HIPK3: variants seen among roughly 807,000 people sequenced by gnomAD.
HIPK3 encodes homeodomain-interacting protein kinase 3.
HIPK3 carries 47 observed loss-of-function variants against 124.2 expected under a neutral mutation model. The ratio of observed to expected loss-of-function variants is 0.38; its 90% CI spans 0.30 to 0.48. The LOEUF (loss-of-function observed/expected upper bound fraction) is 0.48. Ranked by LOEUF, HIPK3 falls within the 20% of genes least tolerant of loss-of-function variation. HIPK3 has a pLI of 0.98. For synonymous variants in HIPK3, 482 were observed against 515.2 expected, an observed-to-expected ratio of 0.94 and a Z score of 0.87; for missense variants, 1,286 against 1,454.3, an observed-to-expected ratio of 0.88 and a Z score of 1.88.
In HIPK3 at chr11:33,343,247, T is replaced by TTGTGTGTGTGTG. The variant is rs3884092; in HGVS notation, c.1897+1593_1897+1604dup. 2.6e-3 allele frequency among the ~76,000 whole-genome samples: 370 copies of TTGTGTGTGTGTG among 141,484 alleles called. 3 individuals carry two copies. Among genetic ancestry groups the TTGTGTGTGTGTG allele is most frequent in the Admixed American group, 8.8e-3 (124 of 14,078 alleles). The allele number at this position is 141,484 out of a possible 152,430, so 92.8% of individuals were successfully genotyped here. ...TTTGATTCTGAAGGATTATTTGATTTTGTGTGTGTGTGTGTGTGTGTGTGT... is the reference window on the plus strand; with the variant it reads ...TTTGATTCTGAAGGATTATTTGATTTTGTGTGTGTGTGTGTGTGTGTGTGTGTGTGTGTGTGT... On this transcript the variant is annotated intron_variant, in intron 8 of 16. Coordinates refer to ENST00000303296, the MANE Select transcript of HIPK3 (RefSeq NM_005734.5).
At chr11:33,317,906 A>G (rs1852553088) in intron 2 of HIPK3, among the ~76,000 whole-genome samples, 1 of 152,206 alleles carries the variant, frequency 6.6e-6, no homozygotes, top group Non-Finnish European at 1.5e-5. Context: ...CTGCCTCTGT[A>G]AAAAGATGTT....
intron 2 of HIPK3, among the ~76,000 whole-genome samples, chr11:33,312,012 G>C (rs1852364607): frequency 7.9e-6 from 1 of 126,076 alleles, no homozygotes; most frequent in Admixed American, 8.2e-5. Context: ...AAAAAATACA[G>C]CTTTTAATTT....
At chr11:33,262,822 A>T (rs1850859315) in intron 1 of HIPK3, among the ~76,000 whole-genome samples, 2 of 151,050 alleles carry the variant, frequency 1.3e-5, no homozygotes, top group South Asian at 4.2e-4. Context: ...TTTTGTATTT[A>T]TTTTTTTCAT....
intron 2 of HIPK3, among the ~76,000 whole-genome samples, chr11:33,320,723 G>A (rs1309041109): frequency 6.6e-6 from 1 of 152,176 alleles, no homozygotes; most frequent in Non-Finnish European, 1.5e-5. Context: ...CTCACAGGTT[G>A]TGGGCCTGAG....
intron 9 of HIPK3, 28 bp downstream of exon 9, chr11:33,347,442 T>C (rs1472499813): frequency 1.2e-6 from 2 of 1,612,508 alleles, no homozygotes; most frequent in East Asian, 4.5e-5. Context: ...CTTTGCCATA[T>C]ATCAGCTTGT....
intron 7 of HIPK3, 123 bp from the exon 8 acceptor site, chr11:33,341,440 C>G: frequency 1.9e-6 from 2 of 1,048,722 alleles, no homozygotes; most frequent in South Asian, 5.1e-5. Context: ...TGTTTTTGTT[C>G]TCATTTTCTG....
intron 1 of HIPK3, among the ~76,000 whole-genome samples, chr11:33,261,879 C>A (rs1310029247): frequency 6.6e-6 from 1 of 152,122 alleles, no homozygotes; most frequent in Non-Finnish European, 1.5e-5. Flanking sequence ...TCATCAGCAT[C>A]TGTTATTTTT....
intron 2 of HIPK3, among the ~76,000 whole-genome samples, chr11:33,322,097 T>G (rs1313899114): frequency 6.6e-6 from 1 of 152,156 alleles, no homozygotes; most frequent in Non-Finnish European, 1.5e-5. Context: ...CCTCCCGGGT[T>G]CACACCATTC....
intron 2 of HIPK3, among the ~76,000 whole-genome samples, chr11:33,297,664 A>T (rs1246425399): frequency 2.6e-5 from 4 of 152,168 alleles, no homozygotes. Flanking sequence ...TGGCTACACT[A>T]CACAACAGAT....
intron 4 of HIPK3, 98 bp from the exon 5 acceptor site, chr11:33,338,659 T>C (rs895686633): frequency 2.3e-5 from 14 of 596,390 alleles, no homozygotes; most frequent in Admixed American, 3.4e-5. Flanking sequence ...TTGAAATTAC[T>C]ATTTGCCTTA....
At chr11:33,305,678 C>T (rs1436629862) in intron 2 of HIPK3, among the ~76,000 whole-genome samples, 1 of 152,180 alleles carries the variant, frequency 6.6e-6, no homozygotes, top group Non-Finnish European at 1.5e-5. Context: ...GATTTTCTCT[C>T]ATCTTCCTGA....
chr11:33,355,754 C>A lies in HIPK3; in HGVS notation c.*2186C>A, dbSNP rs1049050874. 1 of 151,832 alleles carries A rather than the reference C, an allele frequency of 6.6e-6. No homozygotes were observed. Among genetic ancestry groups the A allele is most frequent in the African/African-American group, 2.4e-5 (1 of 41,404 alleles). 9.4% of individuals were successfully genotyped at this position (151,832 alleles called of 1,614,324 possible). ...AACCAGCAGTACATTTTTAGTCACA[C>A]TGAAAATGAAGGACTTAATTTTCCC... On this transcript the variant is annotated 3_prime_UTR_variant, in exon 17 of 17. Coordinates refer to ENST00000303296, the MANE Select transcript of HIPK3 (RefSeq NM_005734.5).
Position 33,290,981 on chromosome 11 carries a change from C to T in HIPK3, c.1097+3470C>T, listed in dbSNP as rs1590364028. On this transcript the variant is annotated intron_variant, in intron 2 of 16. Coordinates refer to ENST00000303296, the MANE Select transcript of HIPK3 (RefSeq NM_005734.5). ...ATTTGTAAACAAAGACTAGTGCAGG[C>T]ATTTTGGTTGATGTTGCCTCGATAA... Among the ~76,000 whole-genome samples the T allele has an allele frequency of 3.3e-5, 5 of 152,086 alleles. No homozygotes were observed. In the East Asian group the frequency reaches 9.6e-4, roughly 29 times the overall value.
chr11:33,341,207 G>A, intron 7 of HIPK3, 80 bp downstream of exon 7: 1 of 1,004,746 alleles, frequency 1.0e-6, no homozygotes, highest in Non-Finnish European at 1.4e-6. Flanking sequence ...ACAGAAGTTT[G>A]GTGTCAGTTG....
Position 33,286,829 on chromosome 11 carries a change from A to G in HIPK3, c.415A>G (p.Ser139Gly). The stretch of plus-strand genomic sequence containing the variant: ...GAGTGAGGAGTTGGATAATCATAGC[A>G]GCGCAATGCAGATTGTCGATGAATT... ...RKSEELDNHS[S>G]AMQIVDELSI... Residue 139 changes from serine to glycine, a missense_variant, in exon 2 of 17, where the codon AGC (serine) becomes GGC (glycine). By Grantham distance (56) the Ser-to-Gly change is moderately conservative. Transcript: ENST00000303296. 6.2e-7 allele frequency: 1 copy of G among 1,614,186 alleles called. No homozygotes were observed. The highest frequency in any genetic ancestry group is 8.5e-7 in the Non-Finnish European group (1 of 1,180,026).
At chr11:33,345,864 T>C (rs1307999823) in intron 8 of HIPK3, among the ~76,000 whole-genome samples, 3 of 152,164 alleles carry the variant, frequency 2.0e-5, no homozygotes, top group Non-Finnish European at 4.4e-5. Context: ...GGACATTCTC[T>C]TTAGGATTAA....
intron 3 of HIPK3, among the ~76,000 whole-genome samples, chr11:33,330,422 G>A (rs547804873): frequency 3.3e-5 from 5 of 152,088 alleles, no homozygotes; most frequent in African/African-American, 9.6e-5. Context: ...TCCGCCTCCC[G>A]GATTCAAGCG....
At chr11:33,281,935 T>A (rs991505717) in intron 1 of HIPK3, among the ~76,000 whole-genome samples, 2 of 152,222 alleles carry the variant, frequency 1.3e-5, no homozygotes, top group Admixed American at 1.3e-4. Context: ...TTGCCTGCAT[T>A]TCTAGGTCAG....
chr11:33,265,772 C>CAAAA (rs55837408), intron 1 of HIPK3, among the ~76,000 whole-genome samples: 2 of 64,792 alleles, frequency 3.1e-5, no homozygotes, highest in African/African-American at 6.5e-5. Context: ...GACCTTGTCT[C>CAAAA]AAAAAAAAAA....
Sources: allele counts gnomAD v4.1 joint callset (sites outside exome capture counted in the v4.1 genomes callset), GRCh38; gene constraint gnomAD v4.1.1; transcripts MANE v1.5; gene names NCBI Gene and HGNC (gene_info 2026-07-23, HGNC 2026-07-21).